Variants in ZNF616 observed in about 807,000 individuals in gnomAD.
ZNF616 encodes zinc finger protein 616.
ZNF616 carries 5 observed loss-of-function variants against 7.6 expected under a neutral mutation model. The observed-to-expected ratio is 0.66, with a 90% CI of 0.34 to 1.38. The LOEUF is 1.38. Ranked by LOEUF, ZNF616 falls within the 40% of genes most tolerant of loss-of-function variation. The pLI, the probability that ZNF616 is intolerant of heterozygous loss-of-function variation, is 0.04. For synonymous variants in ZNF616, 319 were observed against 317.2 expected (o/e 1.01, Z -0.06); for missense variants, 913 against 948.3 (o/e 0.96, Z 0.49).
At position 52,116,091 on chromosome 19, in the gene ZNF616, C is replaced by T. The variant is rs1568558185; in HGVS notation, c.1073G>A (p.Cys358Tyr). The T allele has an allele frequency of 5.0e-6, 8 of 1,614,108 alleles. No individual in the cohort carries two copies. The highest frequency in any genetic ancestry group is 6.8e-6 in the Non-Finnish European group (8 of 1,180,050). ...TGATCTATGTCTGAATGCCTTGCCACATACATCACATTTATATGGTTTCTT... is the reference window on the plus strand; with the variant it reads ...TGATCTATGTCTGAATGCCTTGCCATATACATCACATTTATATGGTTTCTT... Reference protein sequence around the residue: ...AGKKPYKCDVCGKAFRHRSNL... With the variant: ...AGKKPYKCDVYGKAFRHRSNL... The change falls in exon 4 of 4, where the codon TGT becomes TAT. Residue 358 changes from cysteine (C) to tyrosine (Y), a missense_variant. By Grantham distance (194) the Cys-to-Tyr change is radical. Coordinates refer to ENST00000600228, the MANE Select transcript of ZNF616 (RefSeq NM_178523.5).
At chr19:52,121,516 GA>G (rs2088864137) in intron 3 of ZNF616, among the ~76,000 whole-genome samples, 1 of 152,142 alleles carries the variant, frequency 6.6e-6, no homozygotes, top group South Asian at 2.1e-4. Context: ...TGTATGCACA[GA>G]AAACAGTGCT....
At chr19:52,136,865 C>T (rs1201228001) in intron 1 of ZNF616, among the ~76,000 whole-genome samples, 3 of 151,706 alleles carry the variant, frequency 2.0e-5, no homozygotes, top group African/African-American at 7.3e-5. Flanking sequence ...GAGTTAGAGA[C>T]CAGCTTGGAC....
chr19:52,118,807 A>C (rs1196157820), intron 3 of ZNF616, among the ~76,000 whole-genome samples: 8 of 152,246 alleles, frequency 5.3e-5, no homozygotes, highest in Non-Finnish European at 7.3e-5. Context: ...AGCTAACAGC[A>C]CTAACTTGTT....
chr19:52,136,492 C>A (rs2089010053), intron 1 of ZNF616, among the ~76,000 whole-genome samples: 1 of 151,928 alleles, frequency 6.6e-6, no homozygotes, highest in Non-Finnish European at 1.5e-5. Flanking sequence ...TGAAAAGGTA[C>A]TCAAGATCGC....
chr19:52,118,194 T>C (rs1394655855), intron 3 of ZNF616, among the ~76,000 whole-genome samples: 1 of 152,138 alleles, frequency 6.6e-6, no homozygotes, highest in Non-Finnish European at 1.5e-5. Context: ...ACCTGCCTGC[T>C]GCAGCCTCCC....
chr19:52,132,852 A>G (rs2088972509), intron 1 of ZNF616, among the ~76,000 whole-genome samples: 1 of 152,204 alleles, frequency 6.6e-6, no homozygotes, highest in Non-Finnish European at 1.5e-5. Flanking sequence ...AAGCCATGAG[A>G]TGAGATGATG....
intron 1 of ZNF616, among the ~76,000 whole-genome samples, chr19:52,131,090 A>AAACACCCTCTC (rs1295111857): frequency 2.6e-5 from 4 of 152,086 alleles, no homozygotes; most frequent in Admixed American, 2.6e-4. Context: ...CAACATGGTG[A>AAACACCCTCTC]AACACCCTCT....
At chr19:52,125,558 T>C (rs1469930298) in intron 2 of ZNF616, among the ~76,000 whole-genome samples, 2 of 152,168 alleles carry the variant, frequency 1.3e-5, no homozygotes, top group African/African-American at 4.8e-5. Flanking sequence ...GTCCTGGGGA[T>C]CCCTGCCCCA....
rs768293797 is a variant in ZNF616, at chr19:52,114,883, T to C, written c.2281A>G (p.Thr761Ala). The change falls in exon 4 of 4, where the codon ACT becomes GCT. Residue 761 changes from threonine to alanine, a missense_variant. Transcript: ENST00000600228. ...GKSFICRSGL[T>A]KHRIRHTGES... ...CCAGTATGTCTTATTCGATGTTTAG[T>C]GAGGCCTGAGCGACAAATAAAAGAT... 3.0e-5 allele frequency: 48 copies of C among 1,612,852 alleles called. No individual in the cohort carries two copies. In the East Asian group the frequency reaches 1.1e-3, roughly 36 times the overall value.
chr19:52,125,571 A>G (rs1385029237), intron 2 of ZNF616, among the ~76,000 whole-genome samples: 1 of 152,122 alleles, frequency 6.6e-6, no homozygotes, highest in Non-Finnish European at 1.5e-5. Flanking sequence ...CTGCCCCATT[A>G]GTTTTGTTGG....
At chr19:52,131,039 CG>C (rs950053870) in intron 1 of ZNF616, among the ~76,000 whole-genome samples, 4 of 152,078 alleles carry the variant, frequency 2.6e-5, no homozygotes, top group African/African-American at 9.7e-5. Context: ...GAGGTCGAGG[CG>C]GGTGGATACC....
At chr19:52,132,381 A>T (rs769769645) in intron 1 of ZNF616, among the ~76,000 whole-genome samples, 9 of 152,174 alleles carry the variant, frequency 5.9e-5, no homozygotes, top group Non-Finnish European at 8.8e-5. Flanking sequence ...ACAGGCCTGC[A>T]GGGGACATGG....
At position 52,115,276 on chromosome 19, in the gene ZNF616, C is replaced by G. The variant is rs367797613; in HGVS notation, c.1888G>C (p.Glu630Gln). Residue 630 changes from glutamate (E) to glutamine (Q), a missense_variant, in exon 4 of 4, where the codon GAG becomes CAG. Glu to Gln is a conservative substitution (Grantham distance 29). Transcript: ENST00000600228. ...LNRHQRIHTG[E>Q]KPYKCNQCGN... ...CACTGATTGCATTTGTAAGGTTTCT[C>G]TCCGGTATGAATTCTCTGATGTCTA... is the stretch of plus-strand genomic sequence containing the variant. The G allele has an allele frequency of 1.2e-6, 2 of 1,614,074 alleles. No homozygotes were observed. The highest frequency in any genetic ancestry group is 1.7e-6 in the Non-Finnish European group (2 of 1,180,014).
At chr19:52,120,448 G>C (rs986511353) in intron 3 of ZNF616, among the ~76,000 whole-genome samples, 1 of 152,180 alleles carries the variant, frequency 6.6e-6, no homozygotes, top group Non-Finnish European at 1.5e-5. Flanking sequence ...AAAACAGCAA[G>C]AGTGAGTCCT....
rs74856658 is a variant in ZNF616 at position 52,124,551 on chromosome 19, T to G, written c.13-502A>C. ...ACATGATAGCCTATGAGAGAGAGAC[T>G]TGTTCCATGTTACTGTGTCACAGAC... On this transcript the variant is annotated intron_variant, in intron 2 of 3. Coordinates refer to ENST00000600228, the MANE Select transcript of ZNF616 (RefSeq NM_178523.5). Among the ~76,000 whole-genome samples the G allele has an allele frequency of 1.1e-3, 161 of 152,336 alleles. 2 individuals carry two copies. In the East Asian group the frequency reaches 0.026, roughly 25 times the overall value.
chr19:52,133,849 A>G (rs1330969544), intron 1 of ZNF616, among the ~76,000 whole-genome samples: 2 of 151,610 alleles, frequency 1.3e-5, no homozygotes, highest in African/African-American at 4.9e-5. Context: ...TCTATTAGTT[A>G]TTTTTCCTGA....
At chr19:52,125,367 A>G (rs1394194847) in intron 2 of ZNF616, among the ~76,000 whole-genome samples, 1 of 152,256 alleles carries the variant, frequency 6.6e-6, no homozygotes, top group Non-Finnish European at 1.5e-5. Flanking sequence ...ACGGTGGCGT[A>G]GACACAGGCT....
Position 52,115,839 on chromosome 19 carries a change from C to T in ZNF616, c.1325G>A (p.Cys442Tyr), listed in dbSNP as rs1212797921. 1.9e-6 allele frequency: 3 copies of T among 1,608,526 alleles called. No individual in the cohort carries two copies. In the Admixed American group the frequency reaches 5.0e-5, roughly 27 times the overall value. The change falls in exon 4 of 4, where the codon TGT becomes TAT. Residue 442 changes from cysteine to tyrosine, a missense_variant. Physicochemically the swap from Cys to Tyr is radical, Grantham distance 194. Transcript: ENST00000600228. ...TGAATGCTTACTGTACACCTTGCCACATTTATTGCATTTGTAAGTTTTCTG... is the reference window on the plus strand; with the variant it reads ...TGAATGCTTACTGTACACCTTGCCATATTTATTGCATTTGTAAGTTTTCTG... ...TGQKTYKCNKCGKVYSKHSHL... is the reference protein window; with the variant it reads ...TGQKTYKCNKYGKVYSKHSHL...
chr19:52,115,544 C>T lies in ZNF616; in HGVS notation c.1620G>A (p.Arg540=), dbSNP rs1340114315. The T allele has an allele frequency of 6.2e-7, 1 of 1,613,914 alleles. No individual in the cohort carries two copies. The part of the protein sequence containing the change: ...FSDRSAFARH[R]RIHTGEKPYK... ...AAGGCTTCTCTCCAGTATGAATTCT[C>T]CGATGCCTTGCAAAAGCTGAACGGT... Residue 540 remains arginine, a synonymous_variant, in exon 4 of 4, where the codon CGG becomes CGA. Coordinates refer to ENST00000600228, the MANE Select transcript of ZNF616 (RefSeq NM_178523.5).
Sources: gnomAD v4.1 joint callset for allele counts (sites outside exome capture counted in the v4.1 genomes callset) on GRCh38, gnomAD v4.1.1 for gene constraint, MANE v1.5 for transcripts, NCBI Gene and HGNC (gene_info 2026-07-23, HGNC 2026-07-21) for gene names.